Variants in MAPK10 observed in about 807,000 individuals in gnomAD.
MAPK10 encodes the protein mitogen-activated protein kinase 10.
In MAPK10, 25 loss-of-function variants were observed where a neutral mutation model predicts 59.3. That is an observed-to-expected ratio of 0.42 (90% confidence interval 0.31 to 0.59). The LOEUF (loss-of-function observed/expected upper bound fraction) is 0.59, where lower values mean the gene tolerates loss of function less well. Ranked by LOEUF, MAPK10 falls within the 20% of genes least tolerant of loss-of-function variation. The pLI is 0.15. For missense variants in MAPK10, 351 were observed against 568.9 expected (o/e 0.62, Z 3.90); for synonymous variants, 190 against 200.5 (o/e 0.95, Z 0.44).
chr4:86,514,854 T>C (rs922646437), intron 1 of MAPK10, among the ~76,000 whole-genome samples: 1 of 152,210 alleles, frequency 6.6e-6, no homozygotes, highest in African/African-American at 2.4e-5. Flanking sequence ...TTGAAAGTGA[T>C]TATTATTTCA....
intron 2 of MAPK10, among the ~76,000 whole-genome samples, chr4:86,251,399 C>T (rs1201481042): frequency 6.6e-6 from 1 of 150,638 alleles, no homozygotes; most frequent in Admixed American, 6.6e-5. Context: ...TTGTTCAATC[C>T]CCACCTATGA....
chr4:86,379,178 C>T (rs1293647272), intron 1 of MAPK10, among the ~76,000 whole-genome samples: 2 of 152,194 alleles, frequency 1.3e-5, no homozygotes, highest in Non-Finnish European at 2.9e-5. Context: ...TGCAGCCCAA[C>T]GAATCCTCCT....
intron 2 of MAPK10, among the ~76,000 whole-genome samples, chr4:86,212,159 T>A (rs554589105): frequency 3.4e-5 from 5 of 149,082 alleles, no homozygotes; most frequent in South Asian, 4.3e-4. Flanking sequence ...AGAATGGATT[T>A]AAAAAAAAAA....
At chr4:86,284,056 C>T (rs1352838235) in intron 2 of MAPK10, among the ~76,000 whole-genome samples, 1 of 152,136 alleles carries the variant, frequency 6.6e-6, no homozygotes, top group Non-Finnish European at 1.5e-5. Flanking sequence ...ATGAATCCTC[C>T]TCCTTTCTCT....
In MAPK10 at chr4:86,223,803, TA is replaced by T. The variant is rs565663411; in HGVS notation, c.-6-29397del. ...GAATTCTCACTTTGCCCCAACCCCC[TA>T]ACCACAGTAAAATCCCAAGCGAGTC... On this transcript the variant is annotated intron_variant, in intron 2 of 13. Coordinates refer to ENST00000641462, the MANE Select transcript of MAPK10 (RefSeq NM_138982.4). 2.1e-3 allele frequency among the ~76,000 whole-genome samples: 313 copies of T among 152,276 alleles called. 1 individual carries two copies. Among genetic ancestry groups the T allele is most frequent in the Non-Finnish European group, 3.8e-3 (259 of 68,004 alleles).
chr4:86,359,318 G>C (rs1736248850), intron 1 of MAPK10, among the ~76,000 whole-genome samples: 1 of 144,550 alleles, frequency 6.9e-6, no homozygotes, highest in African/African-American at 2.5e-5. Context: ...GTGTGTGTGT[G>C]TGTGTGTGTG....
At chr4:86,533,139 T>C (rs1284471919) in intron 1 of MAPK10, among the ~76,000 whole-genome samples, 4 of 151,914 alleles carry the variant, frequency 2.6e-5, no homozygotes, top group Non-Finnish European at 5.9e-5. Context: ...CTAAGTGAAA[T>C]AGGTCATACA....
At chr4:86,524,351 G>A (rs955267063) in intron 1 of MAPK10, among the ~76,000 whole-genome samples, 7 of 152,094 alleles carry the variant, frequency 4.6e-5, no homozygotes, top group South Asian at 4.1e-4. Flanking sequence ...CACCTACTTA[G>A]TAATCTAAAT....
Position 86,139,374 on chromosome 4 carries a change from C to T in MAPK10, c.236+19924G>A, listed in dbSNP as rs1288583309. Among the ~76,000 whole-genome samples, 68 of 150,808 alleles carry T rather than the reference C, an allele frequency of 4.5e-4. No homozygotes were observed. In the South Asian group the frequency reaches 6.3e-3, roughly 14 times the overall value. ...AACAGAACAGAGCCCTCAGAAATAACGCCGCATATCTACAACTATCTGATC... is the reference window on the plus strand; with the variant it reads ...AACAGAACAGAGCCCTCAGAAATAATGCCGCATATCTACAACTATCTGATC... On this transcript the variant is annotated intron_variant, in intron 4 of 13. Coordinates refer to ENST00000641462, the MANE Select transcript of MAPK10 (RefSeq NM_138982.4).
chr4:86,180,922 G>T lies in MAPK10; in HGVS notation c.66+13414C>A, dbSNP rs184285699. Among the ~76,000 whole-genome samples, 427 of 152,000 alleles carry T rather than the reference G, an allele frequency of 2.8e-3. 2 individuals are homozygous for T. The highest frequency in any genetic ancestry group is 5.3e-3 in the Non-Finnish European group (358 of 67,922). On this transcript the variant is annotated intron_variant, in intron 3 of 13. Coordinates refer to ENST00000641462, the MANE Select transcript of MAPK10 (RefSeq NM_138982.4). ...GAGCTAGACAGGAAGAATAAAATAC[G>T]GTGTTCTACAGCACTGTAGGGTGAC...
Position 86,194,291 on chromosome 4 carries a change from C to A in MAPK10, c.66+45G>T, listed in dbSNP as rs760030123. 5 of 1,440,216 alleles carry A rather than the reference C, an allele frequency of 3.5e-6. No homozygotes were observed. The African/African-American group carries it at 5.6e-5, about 16-fold the overall frequency. 89.2% of individuals were successfully genotyped at this position (1,440,216 alleles called of 1,614,324 possible). On this transcript the variant is annotated intron_variant, in intron 3 of 13. Transcript: ENST00000641462. ...CAAATGGTATGTCAAAGTGGAAATA[C>A]AAGGGAATATACTGTACCTTGTTTT...
chr4:86,540,649 T>C (rs1758614845), intron 1 of MAPK10, among the ~76,000 whole-genome samples: 1 of 152,154 alleles, frequency 6.6e-6, no homozygotes, highest in African/African-American at 2.4e-5. Context: ...ATGCAGTACT[T>C]AATATATTCT....
Position 86,194,387 on chromosome 4 carries a change from G to C in MAPK10, c.15C>G (p.Phe5Leu). Residue 5 changes from phenylalanine (F) to leucine (L), a missense_variant, in exon 3 of 14, where the codon TTC becomes TTG. Phe to Leu is a conservative substitution (Grantham distance 22). Transcript: ENST00000641462. ...ATGTTGGTTCACTGCAGTAGTATAA[G>C]AAATGGAGGCTCATAAATACCTAGA... is the stretch of plus-strand genomic sequence containing the variant. MSLH[F>L]LYYCSEPTLD... 6.2e-7 allele frequency: 1 copy of C among 1,609,434 alleles called. No homozygotes were observed. Among genetic ancestry groups the C allele is most frequent in the Non-Finnish European group, 8.5e-7 (1 of 1,175,890 alleles).
At chr4:86,570,172 C>G (rs1761350785) in intron 1 of MAPK10, among the ~76,000 whole-genome samples, 1 of 152,026 alleles carries the variant, frequency 6.6e-6, no homozygotes, top group Admixed American at 6.6e-5. Flanking sequence ...GAATAAGACC[C>G]AAAAGAAATC....
intron 1 of MAPK10, among the ~76,000 whole-genome samples, chr4:86,584,860 A>C (rs1160685204): frequency 5.9e-5 from 9 of 152,180 alleles, no homozygotes; most frequent in Non-Finnish European, 1.3e-4. Flanking sequence ...TCAAGCTGCT[A>C]TTGGTGAAGA....
intron 2 of MAPK10, among the ~76,000 whole-genome samples, chr4:86,243,801 G>A (rs2092909648): frequency 7.5e-6 from 1 of 132,856 alleles, no homozygotes; most frequent in South Asian, 2.3e-4. Context: ...AGCTAGCACT[G>A]TTCTCTGTAA....
chr4:86,120,962 A>C (rs1200582163), intron 4 of MAPK10, among the ~76,000 whole-genome samples: 1 of 152,228 alleles, frequency 6.6e-6, no homozygotes, highest in Non-Finnish European at 1.5e-5. Flanking sequence ...AGAAATAAAT[A>C]AAATTAAAAC....
chr4:86,127,016 C>T (rs2060179534), intron 4 of MAPK10, among the ~76,000 whole-genome samples: 1 of 151,930 alleles, frequency 6.6e-6, no homozygotes, highest in Non-Finnish European at 1.5e-5. Context: ...CCTCGCTTTC[C>T]TCCAATCCAT....
intron 4 of MAPK10, chr4:86,152,382 C>T (rs527314834): frequency 1.3e-5 from 2 of 152,298 alleles, no homozygotes; most frequent in East Asian, 3.9e-4. Flanking sequence ...ATAATTTAGA[C>T]TCTCCTGTCA....
Sources: gnomAD v4.1 joint callset for allele counts (sites outside exome capture counted in the v4.1 genomes callset) on GRCh38, gnomAD v4.1.1 for gene constraint, MANE v1.5 for transcripts, NCBI Gene and HGNC (gene_info 2026-07-23, HGNC 2026-07-21) for gene names.